The following LEPR variants were observed in gnomAD, a reference collection of about 807,000 sequenced individuals.
LEPR encodes the protein OB receptor.
Under a neutral mutation model 114.7 loss-of-function variants are expected in LEPR, and 56 were observed. The observed-to-expected ratio is 0.49, with a 90% CI of 0.39 to 0.61. LEPR has a LOEUF of 0.61. LEPR is among the 20% of genes least tolerant of loss of function. The pLI, the probability that LEPR is intolerant of heterozygous loss-of-function variation, is 0.00. For synonymous variants in LEPR, 443 were observed against 461.4 expected (o/e 0.96, Z 0.51); for missense variants, 1,202 against 1,352.9 (o/e 0.89, Z 1.75).
chr1:65,608,109 A>G (rs925437054), intron 11 of LEPR, among the ~76,000 whole-genome samples: 6 of 151,392 alleles, frequency 4.0e-5, no homozygotes, highest in Non-Finnish European at 7.4e-5. Context: ...CAGCAGCATA[A>G]GAGTTTCACA....
At position 65,570,488 on chromosome 1, in the gene LEPR, T is replaced by C; in HGVS notation, c.56T>C (p.Ile19Thr). ...VLLHWEFIYV[I>T]TAFNLSYPIT... ...ATCCTAACAGAATTTATTTATGTGA[T>C]AACTGCGTTTAACTTGTCATATCCA... The change falls in exon 4 of 20, where the codon ATA becomes ACA. Residue 19 changes from isoleucine to threonine, a missense_variant. Transcript: ENST00000349533. 1 of 1,613,652 alleles carries C rather than the reference T, an allele frequency of 6.2e-7. No individual in the cohort carries two copies. Among genetic ancestry groups the C allele is most frequent in the Non-Finnish European group, 8.5e-7 (1 of 1,179,886 alleles).
intron 11 of LEPR, among the ~76,000 whole-genome samples, chr1:65,607,804 T>C (rs1426037653): frequency 6.6e-6 from 1 of 152,210 alleles, no homozygotes; most frequent in Non-Finnish European, 1.5e-5. Context: ...ACTTATGTAG[T>C]GAATCTAAGC....
intron 2 of LEPR, among the ~76,000 whole-genome samples, chr1:65,498,283 G>T (rs958737362): frequency 6.6e-6 from 1 of 152,106 alleles, no homozygotes; most frequent in African/African-American, 2.4e-5. Flanking sequence ...TTGAGGAGCT[G>T]AAAGGCTTTA....
At chr1:65,453,851 C>G (rs1646825299) in intron 2 of LEPR, among the ~76,000 whole-genome samples, 1 of 151,688 alleles carries the variant, frequency 6.6e-6, no homozygotes, top group East Asian at 1.9e-4. Context: ...GACTTTCTGT[C>G]TCGTTGATCT....
intron 1 of LEPR, among the ~76,000 whole-genome samples, chr1:65,423,328 A>G (rs188462506): frequency 6.6e-5 from 10 of 152,114 alleles, no homozygotes; most frequent in Non-Finnish European, 1.5e-4. Context: ...TTTTTGGTCA[A>G]CTCCAACTTT....
At chr1:65,553,955 T>G (rs1427708194) in intron 2 of LEPR, among the ~76,000 whole-genome samples, 1 of 152,190 alleles carries the variant, frequency 6.6e-6, no homozygotes, top group Non-Finnish European at 1.5e-5. Flanking sequence ...CTTCTACCAG[T>G]CAGGCCCTTC....
At chr1:65,527,382 C>T (rs1305734876) in intron 2 of LEPR, among the ~76,000 whole-genome samples, 9 of 152,186 alleles carry the variant, frequency 5.9e-5, no homozygotes, top group Non-Finnish European at 1.2e-4. Flanking sequence ...AATGGACACA[C>T]GCACACACAA....
intron 2 of LEPR, among the ~76,000 whole-genome samples, chr1:65,530,709 T>A (rs1375783350): frequency 6.6e-6 from 1 of 152,192 alleles, no homozygotes; most frequent in East Asian, 1.9e-4. Flanking sequence ...ACCTGTTTTA[T>A]CAGCAAGATC....
At chr1:65,477,383 C>T (rs996952765) in intron 2 of LEPR, among the ~76,000 whole-genome samples, 2 of 152,218 alleles carry the variant, frequency 1.3e-5, no homozygotes, top group African/African-American at 4.8e-5. Context: ...AACAGAGTGC[C>T]TGGCATGGAG....
At chr1:65,622,283 T>G (rs1364791323) in intron 18 of LEPR, among the ~76,000 whole-genome samples, 1 of 152,180 alleles carries the variant, frequency 6.6e-6, no homozygotes, top group Non-Finnish European at 1.5e-5. Flanking sequence ...AAGTGGGTGG[T>G]AAAAGTAGCC....
rs193922650 is a variant in LEPR, at chr1:65,636,397, C to G, written c.2880C>G (p.Asn960Lys). The stretch of plus-strand genomic sequence containing the variant: ...CTGTTTGTATTAGTGACCAGTTCAA[C>G]AGTGTTAACTTCTCTGAGGCTGAGG... ...KGSVCISDQF[N>K]SVNFSEAEGT... The change falls in exon 20 of 20, where the codon AAC (asparagine) becomes AAG (lysine). Residue 960 changes from asparagine to lysine, a missense_variant. By Grantham distance (94) the Asn-to-Lys change is moderately conservative. Coordinates refer to ENST00000349533, the MANE Select transcript of LEPR (RefSeq NM_002303.6). The G allele has an allele frequency of 2.5e-6, 4 of 1,613,976 alleles. No homozygotes were observed. In the African/African-American group the frequency reaches 4.0e-5, roughly 16 times the overall value.
intron 2 of LEPR, among the ~76,000 whole-genome samples, chr1:65,564,210 G>T (rs866312697): frequency 7.0e-6 from 1 of 143,298 alleles, no homozygotes; most frequent in Non-Finnish European, 1.6e-5. Context: ...GCGAGATTCC[G>T]TGGGCGTAGG....
chr1:65,480,807 T>C (rs1434269604), intron 2 of LEPR, among the ~76,000 whole-genome samples: 1 of 151,992 alleles, frequency 6.6e-6, no homozygotes, highest in Non-Finnish European at 1.5e-5. Flanking sequence ...TGGTTCACTC[T>C]TAATAAGACA....
At chr1:65,582,994 A>C (rs1655093703) in intron 5 of LEPR, among the ~76,000 whole-genome samples, 1 of 152,140 alleles carries the variant, frequency 6.6e-6, no homozygotes, top group Admixed American at 6.5e-5. Context: ...AGGGAATAAG[A>C]GGGTCTGGAT....
chr1:65,570,432 ATGATTACT>A (rs1195453764), intron 3 of LEPR, 33 bp from the exon 4 acceptor site: 1 of 1,587,792 alleles, frequency 6.3e-7, no homozygotes, highest in Admixed American at 1.7e-5. Context: ...CTTAGTCAAA[ATGATTACT>A]TTTTTCTATG....
intron 5 of LEPR, among the ~76,000 whole-genome samples, chr1:65,575,202 C>T (rs544224852): frequency 9.9e-4 from 150 of 152,200 alleles, no homozygotes; most frequent in African/African-American, 3.4e-3. Context: ...TTCTAGCTCC[C>T]CCACAGGTAG....
chr1:65,624,511 A>T (rs1289522304), intron 19 of LEPR, among the ~76,000 whole-genome samples: 4 of 152,128 alleles, frequency 2.6e-5, no homozygotes, highest in Admixed American at 2.6e-4. Context: ...CATGACCCAC[A>T]GTGAAAAAAA....
intron 2 of LEPR, among the ~76,000 whole-genome samples, chr1:65,547,704 CT>C (rs1375285235): frequency 1.3e-5 from 2 of 148,420 alleles, no homozygotes; most frequent in African/African-American, 5.0e-5. Context: ...CTCTTTTTTT[CT>C]TTATTAGTCT....
intron 19 of LEPR, chr1:65,634,205 T>G (rs1422018446): frequency 1.0e-6 from 1 of 976,430 alleles, no homozygotes; most frequent in African/African-American, 1.8e-5. Flanking sequence ...GTATTCAAAT[T>G]TATTATATAT....
Sources: allele counts gnomAD v4.1 joint callset (sites outside exome capture counted in the v4.1 genomes callset), GRCh38; gene constraint gnomAD v4.1.1; transcripts MANE v1.5; gene names NCBI Gene and HGNC (gene_info 2026-07-23, HGNC 2026-07-21).